Variants in RCOR1 observed in about 807,000 individuals in gnomAD.
RCOR1 encodes REST corepressor 1.
Under a neutral mutation model 64.0 loss-of-function variants are expected in RCOR1, and 12 were observed. The ratio of observed to expected loss-of-function variants is 0.19; its 90% CI spans 0.12 to 0.30. The LOEUF is 0.30. RCOR1 is among the 10% of genes least tolerant of loss of function. RCOR1 has a pLI of 1.00. For missense variants in RCOR1, 502 were observed against 621.2 expected (o/e 0.81, Z 2.04); for synonymous variants, 279 against 227.2 (o/e 1.23, Z -2.05).
intron 2 of RCOR1, among the ~76,000 whole-genome samples, chr14:102,650,122 TG>T (rs1894554750): frequency 6.8e-6 from 1 of 146,758 alleles, no homozygotes; most frequent in East Asian, 2.0e-4. Context: ...GGTGTGAACC[TG>T]GGAGGTGCAG....
intron 2 of RCOR1, among the ~76,000 whole-genome samples, chr14:102,608,322 C>A (rs765330406): frequency 6.6e-6 from 1 of 152,154 alleles, no homozygotes; most frequent in Non-Finnish European, 1.5e-5. Context: ...TCATGTCTGG[C>A]TTCTATCACT....
At chr14:102,670,738 T>C (rs1895015668) in intron 2 of RCOR1, among the ~76,000 whole-genome samples, 1 of 105,250 alleles carries the variant, frequency 9.5e-6, no homozygotes, top group Non-Finnish European at 1.9e-5. Context: ...AATGACAAGA[T>C]TATTATATAT....
At chr14:102,626,032 C>T (rs1307057157) in intron 2 of RCOR1, among the ~76,000 whole-genome samples, 2 of 152,172 alleles carry the variant, frequency 1.3e-5, no homozygotes, top group African/African-American at 4.8e-5. Flanking sequence ...CCTTTTATCT[C>T]TGTTTCAGAC....
At chr14:102,725,451 G>A (rs1227852911) in intron 11 of RCOR1, among the ~76,000 whole-genome samples, 1 of 152,188 alleles carries the variant, frequency 6.6e-6, no homozygotes, top group Non-Finnish European at 1.5e-5. Flanking sequence ...GATCGTATGG[G>A]CTCCTGTATC....
chr14:102,725,213 C>T (rs1335764456), intron 11 of RCOR1, among the ~76,000 whole-genome samples: 1 of 152,140 alleles, frequency 6.6e-6, no homozygotes, highest in African/African-American at 2.4e-5. Context: ...AAATCTCCTC[C>T]TGTATCTAAG....
intron 2 of RCOR1, among the ~76,000 whole-genome samples, chr14:102,611,091 TG>T (rs1328161107): frequency 1.3e-5 from 2 of 152,084 alleles, no homozygotes; most frequent in African/African-American, 2.4e-5. Flanking sequence ...TTTTTTGAGA[TG>T]GAGTTTCGCT....
chr14:102,685,778 A>G (rs1025864172), intron 3 of RCOR1, among the ~76,000 whole-genome samples: 1 of 152,198 alleles, frequency 6.6e-6, no homozygotes, highest in Non-Finnish European at 1.5e-5. Flanking sequence ...TCTGGGCAAC[A>G]TGGTGAAACC....
intron 2 of RCOR1, among the ~76,000 whole-genome samples, chr14:102,636,879 G>T (rs1425460044): frequency 6.7e-6 from 1 of 149,664 alleles, no homozygotes; most frequent in African/African-American, 2.5e-5. Flanking sequence ...ACTGAGGCAT[G>T]TGGATCACTT....
chr14:102,697,274 G>A (rs1011408978), intron 3 of RCOR1, among the ~76,000 whole-genome samples: 1 of 152,178 alleles, frequency 6.6e-6, no homozygotes, highest in African/African-American at 2.4e-5. Context: ...AGGTCAGGGC[G>A]TTGCTAAAGA....
At chr14:102,708,625 T>C in intron 6 of RCOR1, 42 bp downstream of exon 6, 1 of 1,101,828 alleles carries the variant, frequency 9.1e-7, no homozygotes, top group Non-Finnish European at 1.4e-6. Flanking sequence ...CTTAGGGGAC[T>C]ATCTAAGAGC....
intron 4 of RCOR1, among the ~76,000 whole-genome samples, chr14:102,702,993 A>T (rs758824730): frequency 2.6e-5 from 4 of 152,222 alleles, no homozygotes; most frequent in Non-Finnish European, 2.9e-5. Flanking sequence ...CAAGAAAATG[A>T]TGTATGAACA....
intron 2 of RCOR1, among the ~76,000 whole-genome samples, chr14:102,654,888 A>G (rs1254334531): frequency 6.9e-6 from 1 of 145,936 alleles, no homozygotes; most frequent in East Asian, 2.0e-4. Context: ...GGCTTGCTGC[A>G]GTGTCAGTCT....
chr14:102,680,224 T>C (rs1895276864), intron 2 of RCOR1, among the ~76,000 whole-genome samples: 1 of 152,148 alleles, frequency 6.6e-6, no homozygotes, highest in South Asian at 2.1e-4. Context: ...TTACTATTAA[T>C]ATTATTTCCT....
chr14:102,726,750 A>C lies in RCOR1; in HGVS notation c.*244A>C. On this transcript the variant is annotated 3_prime_UTR_variant, in exon 12 of 12. Coordinates refer to ENST00000262241, the MANE Select transcript of RCOR1 (RefSeq NM_015156.4). ...TCTGCCCACGTGCTGGGGAAGTCTC[A>C]CGGCCTGCACATCTCTTGTGACTCT... 1 of 499,420 alleles carries C rather than the reference A, an allele frequency of 2.0e-6. No individual in the cohort carries two copies. Among genetic ancestry groups the C allele is most frequent in the Non-Finnish European group, 3.5e-6 (1 of 286,738 alleles). 30.9% of individuals were successfully genotyped at this position (499,420 alleles called of 1,614,324 possible). A position where few individuals can be genotyped will look rare whatever the true frequency, so the allele number is the denominator to read the frequency against.
intron 11 of RCOR1, among the ~76,000 whole-genome samples, chr14:102,723,099 A>G (rs905869276): frequency 5.3e-5 from 8 of 152,208 alleles, no homozygotes; most frequent in African/African-American, 1.9e-4. Context: ...AGAGCAGATG[A>G]GCCTGGGGCT....
chr14:102,690,782 A>G (rs1294358895), intron 3 of RCOR1, among the ~76,000 whole-genome samples: 3 of 152,030 alleles, frequency 2.0e-5, no homozygotes, highest in South Asian at 2.1e-4. Context: ...CGTATTATCT[A>G]CTTTATGTCT....
At chr14:102,664,919 C>G (rs746981702) in intron 2 of RCOR1, among the ~76,000 whole-genome samples, 1 of 152,190 alleles carries the variant, frequency 6.6e-6, no homozygotes, top group Non-Finnish European at 1.5e-5. Context: ...AAAAGTGATA[C>G]ACACTCAGTA....
chr14:102,600,514 G>A (rs906559425), intron 2 of RCOR1, among the ~76,000 whole-genome samples: 50 of 151,416 alleles, frequency 3.3e-4, no homozygotes, highest in Non-Finnish European at 6.2e-4. Context: ...TGCTTCTCCT[G>A]CCTCAGCCTC....
intron 2 of RCOR1, among the ~76,000 whole-genome samples, chr14:102,656,667 C>T (rs1894730681): frequency 6.6e-6 from 1 of 152,070 alleles, no homozygotes; most frequent in Non-Finnish European, 1.5e-5. Context: ...TGGGGTTTTA[C>T]CATGTTGGCC....
Sources: gnomAD v4.1 joint callset for allele counts (sites outside exome capture counted in the v4.1 genomes callset) on GRCh38, gnomAD v4.1.1 for gene constraint, MANE v1.5 for transcripts, NCBI Gene and HGNC (gene_info 2026-07-23, HGNC 2026-07-21) for gene names.